OSBPL1A: variants seen among roughly 807,000 people sequenced by gnomAD.
OSBPL1A encodes oxysterol-binding protein-related protein 1.
A neutral mutation model predicts 137.1 loss-of-function variants in OSBPL1A; 80 were observed. The ratio of observed to expected loss-of-function variants is 0.58; its 90% CI spans 0.49 to 0.70. The LOEUF is 0.70. OSBPL1A is among the 30% of genes least tolerant of loss of function. The pLI, the probability that OSBPL1A is intolerant of heterozygous loss-of-function variation, is 0.00. For synonymous variants in OSBPL1A, 365 were observed against 389.7 expected, an observed-to-expected ratio of 0.94 and a Z score of 0.75; for missense variants, 970 against 1,129.4, an observed-to-expected ratio of 0.86 and a Z score of 2.02.
chr18:24,263,103 T>G (rs986423139), intron 15 of OSBPL1A, among the ~76,000 whole-genome samples: 1 of 152,200 alleles, frequency 6.6e-6, no homozygotes, highest in East Asian at 1.9e-4. Flanking sequence ...GACAATCACT[T>G]TGCTTTTTTA....
intron 13 of OSBPL1A, among the ~76,000 whole-genome samples, chr18:24,307,350 C>T (rs909044469): frequency 5.3e-5 from 8 of 152,200 alleles, no homozygotes; most frequent in African/African-American, 1.9e-4. Flanking sequence ...TTTATTCTTT[C>T]TGACATCTGG....
chr18:24,365,549 A>G (rs551122109), intron 4 of OSBPL1A, among the ~76,000 whole-genome samples: 7 of 151,234 alleles, frequency 4.6e-5, no homozygotes, highest in Non-Finnish European at 1.0e-4. Flanking sequence ...ACACCACTGC[A>G]CTCCAACCTG....
chr18:24,267,192 A>G (rs2089600245), intron 15 of OSBPL1A, among the ~76,000 whole-genome samples: 1 of 151,674 alleles, frequency 6.6e-6, no homozygotes, highest in African/African-American at 2.4e-5. Context: ...TACCTTTATA[A>G]TACATTTCAA....
chr18:24,356,712 T>C (rs1317652915), intron 4 of OSBPL1A, among the ~76,000 whole-genome samples: 2 of 152,014 alleles, frequency 1.3e-5, no homozygotes, highest in African/African-American at 4.8e-5. Context: ...CCAAGACATA[T>C]CAAAACCAAT....
At chr18:24,382,272 T>C (rs1320271386) in intron 1 of OSBPL1A, among the ~76,000 whole-genome samples, 2 of 145,438 alleles carry the variant, frequency 1.4e-5, no homozygotes, top group Non-Finnish European at 3.0e-5. Flanking sequence ...CCAGGCGTGG[T>C]GGCAGGCGCC....
intron 15 of OSBPL1A, among the ~76,000 whole-genome samples, chr18:24,243,367 C>T (rs2088774993): frequency 6.6e-6 from 1 of 152,178 alleles, no homozygotes. Context: ...ATTCTTCACC[C>T]CTGCCTACCC....
chr18:24,378,988 A>G (rs1906390887), intron 1 of OSBPL1A, among the ~76,000 whole-genome samples: 1 of 152,212 alleles, frequency 6.6e-6, no homozygotes, highest in Non-Finnish European at 1.5e-5. Flanking sequence ...CAGGGAAGAA[A>G]AGCAACCTAG....
chr18:24,203,775 C>T (rs981051431), intron 17 of OSBPL1A, among the ~76,000 whole-genome samples: 3 of 152,100 alleles, frequency 2.0e-5, no homozygotes, highest in Non-Finnish European at 2.9e-5. Flanking sequence ...GTGTGCTGCC[C>T]TTCATATTCC....
intron 1 of OSBPL1A, among the ~76,000 whole-genome samples, chr18:24,393,642 C>T (rs1599746643): frequency 6.6e-6 from 1 of 151,950 alleles, no homozygotes; most frequent in South Asian, 2.1e-4. Flanking sequence ...TTTAGTAGAG[C>T]CGGGGTTTCA....
In OSBPL1A at chr18:24,356,731, TG is replaced by T. The variant is rs758689798; in HGVS notation, c.282+10160del. The stretch of plus-strand genomic sequence containing the variant: ...GACATATCAAAACCAATATCCCATA[TG>T]GGAAGGGATGGCAGAAATCAGTGCC... On this transcript the variant is annotated intron_variant, in intron 4 of 27. Coordinates refer to ENST00000319481, the MANE Select transcript of OSBPL1A (RefSeq NM_080597.4). Among the ~76,000 whole-genome samples, 150 of 152,226 alleles carry T rather than the reference TG, an allele frequency of 9.9e-4. No homozygotes were observed. The East Asian group carries it at 0.015, about 16-fold the overall frequency.
At chr18:24,233,954 T>C (rs2088362285) in intron 16 of OSBPL1A, among the ~76,000 whole-genome samples, 1 of 152,060 alleles carries the variant, frequency 6.6e-6, no homozygotes, top group Non-Finnish European at 1.5e-5. Flanking sequence ...CGGGGTCCTA[T>C]TATCTTACAA....
In OSBPL1A at chr18:24,333,076, G is replaced by A. The variant is rs1249915766; in HGVS notation, c.491C>T (p.Pro164Leu). The A allele has an allele frequency of 6.2e-7, 1 of 1,612,714 alleles. No homozygotes were observed. Among genetic ancestry groups the A allele is most frequent in the African/African-American group, 1.3e-5 (1 of 74,800 alleles). Residue 164 changes from proline to leucine, a missense_variant, in exon 7 of 28, where the codon CCC becomes CTC. Physicochemically the swap from Pro to Leu is moderately conservative, Grantham distance 98. Around this residue, in one of 2 missense-constraint regions of OSBPL1A, gnomAD observed 647 missense variants for 672.6 expected, o/e 0.96. Coordinates refer to ENST00000319481, the MANE Select transcript of OSBPL1A (RefSeq NM_080597.4). ...CGAACAGTTAACATCAGGAGGATTGGGCCTGTTGAGCTAACAATTAAAAAA... is the reference window on the plus strand; with the variant it reads ...CGAACAGTTAACATCAGGAGGATTGAGCCTGTTGAGCTAACAATTAAAAAA... ...TTELTALLNR[P>L]NPPDVNCSDQ...
chr18:24,162,995 T>G lies in OSBPL1A; in HGVS notation c.*184A>C. ...ATTTTATAGCAAAATTATGCATTTT[T>G]CCTAAGACTTTCATCACCAATATCG... is the stretch of plus-strand genomic sequence containing the variant. On this transcript the variant is annotated 3_prime_UTR_variant, in exon 28 of 28. Transcript: ENST00000319481. 1 of 464,646 alleles carries G rather than the reference T, an allele frequency of 2.2e-6. No homozygotes were observed. The highest frequency in any genetic ancestry group is 2.9e-5 in the South Asian group (1 of 34,478). The allele number at this position is 464,646 out of a possible 1,614,324, so 28.8% of individuals were successfully genotyped here.
intron 4 of OSBPL1A, chr18:24,357,493 C>T (rs1412535278): frequency 6.6e-6 from 1 of 152,076 alleles, no homozygotes; most frequent in Admixed American, 6.6e-5. Context: ...CTAGGAATTT[C>T]CTTGTGAGCA....
At chr18:24,393,617 T>C (rs1267071668) in intron 1 of OSBPL1A, among the ~76,000 whole-genome samples, 1 of 152,170 alleles carries the variant, frequency 6.6e-6, no homozygotes, top group Non-Finnish European at 1.5e-5. Flanking sequence ...CACGCCTGGC[T>C]AATTTTTTGT....
chr18:24,166,591 T>C lies in OSBPL1A; in HGVS notation c.2647A>G (p.Asn883Asp), dbSNP rs765325618. ...RLRPDIRAME[N>D]GEIDQASEEK... ...GGATGCTAGTTACCTATCTCTCCATTTTCCATGGCTCTGATGTCAGGCCGT... is the reference window on the plus strand; with the variant it reads ...GGATGCTAGTTACCTATCTCTCCATCTTCCATGGCTCTGATGTCAGGCCGT... The change falls in exon 26 of 28, where the codon AAT becomes GAT. Residue 883 changes from asparagine (N) to aspartate (D), a missense_variant. Coordinates refer to ENST00000319481, the MANE Select transcript of OSBPL1A (RefSeq NM_080597.4). 2 of 1,609,722 alleles carry C rather than the reference T, an allele frequency of 1.2e-6. No individual in the cohort carries two copies. The highest frequency in any genetic ancestry group is 8.5e-7 in the Non-Finnish European group (1 of 1,178,782).
intron 19 of OSBPL1A, 144 bp downstream of exon 19, chr18:24,181,001 A>G: frequency 1.1e-6 from 1 of 944,094 alleles, no homozygotes; most frequent in Non-Finnish European, 1.5e-6. Flanking sequence ...ACCAGAGGAC[A>G]GTCCAGACAT....
intron 6 of OSBPL1A, among the ~76,000 whole-genome samples, chr18:24,333,551 T>C (rs2091122689): frequency 6.6e-6 from 1 of 152,214 alleles, no homozygotes; most frequent in Non-Finnish European, 1.5e-5. Flanking sequence ...TTATATAGCC[T>C]CCATTTCACA....
intron 17 of OSBPL1A, among the ~76,000 whole-genome samples, chr18:24,204,484 A>T (rs2087313234): frequency 6.6e-6 from 1 of 152,010 alleles, no homozygotes; most frequent in South Asian, 2.1e-4. Context: ...TTTACAAACA[A>T]GTATGTCTCC....
Sources: gnomAD v4.1 joint callset for allele counts (sites outside exome capture counted in the v4.1 genomes callset) on GRCh38, gnomAD v4.1.1 for gene constraint, gnomAD v4.1.1 regional missense constraint, MANE v1.5 for transcripts, NCBI Gene and HGNC (gene_info 2026-07-23, HGNC 2026-07-21) for gene names.